Variants in CAST observed in about 807,000 individuals in gnomAD.
CAST encodes MIR583 host.
In CAST, 76 loss-of-function variants were observed where a neutral mutation model predicts 119.6. The observed-to-expected ratio is 0.64, with a 90% CI of 0.53 to 0.77. The LOEUF (loss-of-function observed/expected upper bound fraction) is 0.77. Ranked by LOEUF, CAST falls within the 30% of genes least tolerant of loss-of-function variation. The pLI is 0.00. For synonymous variants in CAST, 319 were observed against 331.6 expected, an observed-to-expected ratio of 0.96 and a Z score of 0.41; for missense variants, 953 against 946.5, an observed-to-expected ratio of 1.01 and a Z score of -0.09.
chr5:96,594,265 A>G (rs936490449), intron 1 of CAST, among the ~76,000 whole-genome samples: 1 of 152,354 alleles, frequency 6.6e-6, no homozygotes, highest in Middle Eastern at 3.4e-3. Flanking sequence ...GCAGAAAATC[A>G]TATAGAAGAA....
rs144559103 is a variant in CAST at position 96,736,676 on chromosome 5, C to CA, written c.699+446dup. ...AATTGTCATGGGAATATGGTAGTTG[C>CA]AAAAAAAAAAGACAATTTAAATAAT... On this transcript the variant is annotated intron_variant, in intron 10 of 31. Coordinates refer to ENST00000675179, the MANE Select transcript of CAST (RefSeq NM_001750.7). Among the ~76,000 whole-genome samples, 190 of 145,980 alleles carry CA rather than the reference C, an allele frequency of 1.3e-3. 1 individual carries two copies. Among genetic ancestry groups the CA allele is most frequent in the Middle Eastern group, 3.5e-3 (1 of 286 alleles).
At chr5:96,373,488 G>A in the CAST span, among the ~76,000 whole-genome samples, 2 of 152,248 alleles carry the variant, frequency 1.3e-5, no homozygotes, top group African/African-American at 4.8e-5. Context: ...GTGTCCATTT[G>A]TCTTTTTCAG....
At chr5:96,271,491 A>G in the CAST span, among the ~76,000 whole-genome samples, 3 of 152,202 alleles carry the variant, frequency 2.0e-5, no homozygotes, top group Non-Finnish European at 2.9e-5. Flanking sequence ...TCAAAGACAT[A>G]CAATGGAAAA....
chr5:96,485,151 T>A, the CAST span, among the ~76,000 whole-genome samples: 2 of 152,128 alleles, frequency 1.3e-5, no homozygotes, highest in Non-Finnish European at 2.9e-5. Flanking sequence ...GGTCAAAATG[T>A]CACAGAGGAT....
chr5:96,008,271 A>G, the CAST span, among the ~76,000 whole-genome samples: 1 of 152,280 alleles, frequency 6.6e-6, no homozygotes, highest in East Asian at 1.9e-4. Context: ...TGGAGGTGAA[A>G]TTCTCCTACT....
chr5:96,167,051 T>A, the CAST span, among the ~76,000 whole-genome samples: 1 of 152,088 alleles, frequency 6.6e-6, no homozygotes, highest in Non-Finnish European at 1.5e-5. Flanking sequence ...ACAGAATTAT[T>A]GGTGATGGCC....
chr5:96,182,979 T>G, the CAST span, among the ~76,000 whole-genome samples: 2 of 151,462 alleles, frequency 1.3e-5, no homozygotes, highest in Non-Finnish European at 2.9e-5. Context: ...TCTACTAAAA[T>G]TACAAAATAA....
chr5:96,349,638 TG>T, the CAST span, among the ~76,000 whole-genome samples: 1 of 152,186 alleles, frequency 6.6e-6, no homozygotes, highest in East Asian at 1.9e-4. Flanking sequence ...TATTTTCAAT[TG>T]CATACTTCAT....
the CAST span, among the ~76,000 whole-genome samples, chr5:96,051,052 ATTAAC>A: frequency 6.6e-6 from 1 of 152,008 alleles, no homozygotes; most frequent in Non-Finnish European, 1.5e-5. Context: ...CCTATTCTAA[ATTAAC>A]TTAAAAAAAA....
At chr5:96,257,860 A>C in the CAST span, among the ~76,000 whole-genome samples, 3 of 152,200 alleles carry the variant, frequency 2.0e-5, no homozygotes, top group African/African-American at 7.2e-5. Flanking sequence ...CACAAGGCGC[A>C]CTCTTTTTGC....
chr5:96,504,524 C>T, the CAST span, among the ~76,000 whole-genome samples: 2 of 146,682 alleles, frequency 1.4e-5, no homozygotes, highest in Admixed American at 6.8e-5. Context: ...GCTTAGAATA[C>T]TTTTTTTTTT....
At chr5:96,258,062 G>C in the CAST span, among the ~76,000 whole-genome samples, 1 of 151,862 alleles carries the variant, frequency 6.6e-6, no homozygotes, top group Non-Finnish European at 1.5e-5. Context: ...TAACAGCTTA[G>C]CCACCTCATT....
chr5:96,563,242 C>T (rs1269853484), intron 1 of CAST, among the ~76,000 whole-genome samples: 1 of 152,094 alleles, frequency 6.6e-6, no homozygotes, highest in East Asian at 1.9e-4. Context: ...TTTGGGTCAC[C>T]ATTTCCTTGT....
At chr5:96,729,335 A>G (rs913388973) in intron 7 of CAST, 126 bp downstream of exon 7, 7 of 640,204 alleles carry the variant, frequency 1.1e-5, no homozygotes, top group Admixed American at 3.0e-5. Context: ...TTCAGCTAAA[A>G]TGGTGCCATC....
the CAST span, among the ~76,000 whole-genome samples, chr5:96,134,992 A>T: frequency 2.0e-5 from 3 of 152,288 alleles, no homozygotes; most frequent in East Asian, 5.8e-4. Flanking sequence ...GGAGAAAGAC[A>T]CTTCCAGGAA....
chr5:96,411,624 C>T, the CAST span, among the ~76,000 whole-genome samples: 1 of 152,222 alleles, frequency 6.6e-6, no homozygotes, highest in Non-Finnish European at 1.5e-5. Context: ...CAACACGTTT[C>T]TATATTTGAA....
At chr5:96,225,734 A>T in the CAST span, among the ~76,000 whole-genome samples, 1 of 152,172 alleles carries the variant, frequency 6.6e-6, no homozygotes, top group East Asian at 1.9e-4. Flanking sequence ...CAGAGGTAAA[A>T]GAATACAAAT....
chr5:96,040,495 T>C, the CAST span, among the ~76,000 whole-genome samples: 1 of 152,174 alleles, frequency 6.6e-6, no homozygotes, highest in Admixed American at 6.5e-5. Context: ...TTCAGTATGA[T>C]ATTGGCTGTA....
intron 29 of CAST, 100 bp downstream of exon 29, chr5:96,768,099 C>T: frequency 1.2e-6 from 1 of 816,404 alleles, no homozygotes; most frequent in Non-Finnish European, 2.1e-6. Flanking sequence ...ATCGGTCTGT[C>T]TTGTAACAGG....
Sources: gnomAD v4.1 joint callset for allele counts (sites outside exome capture counted in the v4.1 genomes callset) on GRCh38, gnomAD v4.1.1 for gene constraint, MANE v1.5 for transcripts, NCBI Gene and HGNC (gene_info 2026-07-23, HGNC 2026-07-21) for gene names.